The following CTNNAL1 variants were observed in gnomAD, a reference collection of about 807,000 sequenced individuals.
The protein encoded by CTNNAL1 is alpha-catulin.
In CTNNAL1, 69 loss-of-function variants were observed where a neutral mutation model predicts 93.6. The observed-to-expected ratio is 0.74, with a 90% CI of 0.61 to 0.90. The LOEUF is 0.90. Among genes scored for constraint, CTNNAL1 ranks in the 40% least tolerant of loss-of-function variants. The probability of loss-of-function intolerance (pLI) is 0.00; values close to 1 mark genes in which losing one functional copy is unlikely to be tolerated. For missense variants in CTNNAL1, 836 were observed against 862.0 expected (o/e 0.97, Z 0.38); for synonymous variants, 286 against 305.4 (o/e 0.94, Z 0.66).
At chr9:108,962,141 A>C (rs370677131) in intron 11 of CTNNAL1, among the ~76,000 whole-genome samples, 7 of 152,180 alleles carry the variant, frequency 4.6e-5, no homozygotes, top group African/African-American at 1.7e-4. Flanking sequence ...TTCGAGCCTC[A>C]GTTTCATCAT....
intron 12 of CTNNAL1, among the ~76,000 whole-genome samples, chr9:108,953,894 T>C (rs957277521): frequency 3.3e-5 from 5 of 152,182 alleles, no homozygotes; most frequent in African/African-American, 9.7e-5. Flanking sequence ...TGGCTCCTCC[T>C]TGAATGGTCA....
Position 108,970,814 on chromosome 9 carries a change from T to C in CTNNAL1, c.1348-320A>G, listed in dbSNP as rs7857059. On this transcript the variant is annotated intron_variant, in intron 9 of 18. Transcript: ENST00000325551. ...CCACATATTTTATATATAAAGAAATTTGGGAAAAAAAAAAGAAATTTGGCT... is the reference window on the plus strand; with the variant it reads ...CCACATATTTTATATATAAAGAAATCTGGGAAAAAAAAAAGAAATTTGGCT... Among the ~76,000 whole-genome samples, 601 of 151,874 alleles carry C rather than the reference T, an allele frequency of 4.0e-3. 5 individuals are homozygous for C. The highest frequency in any genetic ancestry group is 0.014 in the African/African-American group (577 of 41,432).
At chr9:109,009,807 C>T (rs900463153) in intron 1 of CTNNAL1, among the ~76,000 whole-genome samples, 24 of 152,146 alleles carry the variant, frequency 1.6e-4, no homozygotes, top group African/African-American at 5.8e-4. Context: ...TCAACCTAGG[C>T]TTGAACACAG....
chr9:108,948,429 TCC>T (rs1421506643), intron 14 of CTNNAL1, among the ~76,000 whole-genome samples, 195 bp from the exon 15 acceptor site: 1 of 152,160 alleles, frequency 6.6e-6, no homozygotes, highest in African/African-American at 2.4e-5. Context: ...AAGATATTTT[TCC>T]CCAAGTAAAC....
Position 108,943,014 on chromosome 9 carries a change from T to C in CTNNAL1, c.2086A>G (p.Met696Val). 3.7e-6 allele frequency: 6 copies of C among 1,612,768 alleles called. No homozygotes were observed. Among genetic ancestry groups the C allele is most frequent in the Non-Finnish European group, 4.2e-6 (5 of 1,179,732 alleles). The change falls in exon 18 of 19, where the codon ATG (methionine) becomes GTG (valine). Residue 696 changes from methionine (M) to valine (V), a missense_variant. Transcript: ENST00000325551. ...AGAAGTTGGACTAAGAGAGCCATCA[T>C]GGATCTTGTCTTCGTAATACACTTG... is the stretch of plus-strand genomic sequence containing the variant. ...VDKCITKTRSMMALLVQLLSL... is the reference protein window; with the variant it reads ...VDKCITKTRSVMALLVQLLSL...
At chr9:108,966,515 C>A in intron 10 of CTNNAL1, among the ~76,000 whole-genome samples, 1 of 152,114 alleles carries the variant, frequency 6.6e-6, no homozygotes, top group Non-Finnish European at 1.5e-5. Context: ...TCTCTCCCTT[C>A]CACATCTGAT....
intron 8 of CTNNAL1, among the ~76,000 whole-genome samples, chr9:108,976,429 T>G (rs1281020515): frequency 6.6e-6 from 1 of 152,264 alleles, no homozygotes; most frequent in Non-Finnish European, 1.5e-5. Context: ...TTATTAGTTT[T>G]TTATTATTAT....
intron 8 of CTNNAL1, 31 bp from the exon 9 acceptor site, chr9:108,972,864 G>GGGGGGCGGCCCCCCCCCC: frequency 7.0e-6 from 1 of 142,584 alleles, no homozygotes; most frequent in Non-Finnish European, 1.0e-5. Flanking sequence ...GGGGGGGTGG[G>GGGGGGCGGCCCCCCCCCC]AGGGTGGAGA....
intron 2 of CTNNAL1, among the ~76,000 whole-genome samples, chr9:108,995,329 C>T (rs776274155): frequency 1.3e-5 from 2 of 152,120 alleles, no homozygotes; most frequent in Non-Finnish European, 2.9e-5. Flanking sequence ...TTTTTTTCTA[C>T]ACCTCTCAAC....
chr9:108,978,133 A>G (rs1306763790), intron 7 of CTNNAL1, among the ~76,000 whole-genome samples: 2 of 152,254 alleles, frequency 1.3e-5, no homozygotes, highest in Non-Finnish European at 2.9e-5. Flanking sequence ...AGAGTATTTC[A>G]TCACAAGCAA....
intron 8 of CTNNAL1, 31 bp from the exon 9 acceptor site, chr9:108,972,864 G>GCCGCCCCCC: frequency 7.0e-6 from 1 of 142,588 alleles, no homozygotes; most frequent in Admixed American, 2.0e-4. Context: ...GGGGGGGTGG[G>GCCGCCCCCC]AGGGTGGAGA....
Position 108,970,503 on chromosome 9 carries a change from C to G in CTNNAL1, c.1348-9G>C. 1 of 1,605,206 alleles carries G rather than the reference C, an allele frequency of 6.2e-7. No homozygotes were observed. The highest frequency in any genetic ancestry group is 8.5e-7 in the Non-Finnish European group (1 of 1,176,178). ...CGTAACAATCGACAGGTCTACAAGA[C>G]AATATGTCTACAGTTTAACTTTCAC... On this transcript the variant is annotated splice_polypyrimidine_tract_variant and intron_variant, in intron 9 of 18. Transcript: ENST00000325551.
intron 8 of CTNNAL1, 31 bp from the exon 9 acceptor site, chr9:108,972,864 G>GGCCC: frequency 2.8e-5 from 4 of 142,566 alleles, no homozygotes; most frequent in African/African-American, 9.6e-5. Flanking sequence ...GGGGGGGTGG[G>GGCCC]AGGGTGGAGA....
At chr9:108,946,304 A>C (rs1490105540) in intron 15 of CTNNAL1, among the ~76,000 whole-genome samples, 1 of 151,826 alleles carries the variant, frequency 6.6e-6, no homozygotes, top group African/African-American at 2.4e-5. Context: ...TCTCAAAAAA[A>C]AAAAAAAAAA....
intron 2 of CTNNAL1, among the ~76,000 whole-genome samples, chr9:108,998,833 CT>C (rs1165066997): frequency 3.9e-5 from 6 of 152,202 alleles, no homozygotes; most frequent in Non-Finnish European, 7.3e-5. Flanking sequence ...ATCTCAATGG[CT>C]GATGAGGATG....
chr9:108,954,974 T>A (rs28361156), intron 12 of CTNNAL1, among the ~76,000 whole-genome samples: 8,429 of 152,066 alleles, frequency 0.055, 340 homozygotes, highest in East Asian at 0.12. Flanking sequence ...TTTTATTTTT[T>A]TTTTTTTTGA....
intron 1 of CTNNAL1, among the ~76,000 whole-genome samples, chr9:109,008,012 A>T (rs564221609): frequency 6.6e-6 from 1 of 152,144 alleles, no homozygotes; most frequent in East Asian, 1.9e-4. Flanking sequence ...GCTGTGGTTT[A>T]TTCATTTCAG....
chr9:108,948,604 A>T (rs1830472036), intron 14 of CTNNAL1, among the ~76,000 whole-genome samples: 1 of 152,138 alleles, frequency 6.6e-6, no homozygotes, highest in Admixed American at 6.5e-5. Flanking sequence ...TCAAACCAAA[A>T]CTCAGGACAT....
intron 8 of CTNNAL1, 78 bp downstream of exon 8, chr9:108,976,884 T>C (rs1831281601): frequency 1.0e-5 from 6 of 579,080 alleles, no homozygotes; most frequent in Non-Finnish European, 1.7e-5. Context: ...ATACTAATAA[T>C]ACTAATGTAT....
Sources: gnomAD v4.1 joint callset for allele counts (sites outside exome capture counted in the v4.1 genomes callset) on GRCh38, gnomAD v4.1.1 for gene constraint, MANE v1.5 for transcripts, NCBI Gene and HGNC (gene_info 2026-07-23, HGNC 2026-07-21) for gene names.